The following KIRREL3 variants were observed in gnomAD, a reference collection of about 807,000 sequenced individuals.
The protein encoded by KIRREL3 is kin of IRRE-like protein 3.
A neutral mutation model predicts 89.7 loss-of-function variants in KIRREL3; 36 were observed. That is an observed-to-expected ratio of 0.40 (90% CI 0.31 to 0.53). KIRREL3 has a LOEUF of 0.53. Ranked by LOEUF, KIRREL3 falls within the 20% of genes least tolerant of loss-of-function variation. KIRREL3 has a pLI of 0.49. For missense variants in KIRREL3, 864 were observed against 1,056.6 expected, an observed-to-expected ratio of 0.82 and a Z score of 2.53; for synonymous variants, 445 against 441.4, an observed-to-expected ratio of 1.01 and a Z score of -0.10.
chr11:126,692,963 G>C (rs1253725350), intron 1 of KIRREL3, among the ~76,000 whole-genome samples: 1 of 152,236 alleles, frequency 6.6e-6, no homozygotes, highest in Non-Finnish European at 1.5e-5. Flanking sequence ...CCCATAGCCT[G>C]TGGTGGAAGC....
rs1366461600 is a variant in KIRREL3, at chr11:126,783,642, A to C, written c.55+216813T>G. Among the ~76,000 whole-genome samples, 1 of 152,266 alleles carries C rather than the reference A, an allele frequency of 6.6e-6. No individual in the cohort carries two copies. Among genetic ancestry groups the C allele is most frequent in the Non-Finnish European group, 1.5e-5 (1 of 68,054 alleles). ...AAAGCAAGTCCATACTGATGTAAAT[A>C]GATGACTGAAGGAATAAATACAGAA... On this transcript the variant is annotated intron_variant, in intron 1 of 16. Transcript: ENST00000525144. This position sits in a 1 kb window ranked among gnomAD's most constrained non-coding sequence, Gnocchi z 4.3.
At chr11:126,975,112 A>C (rs1482766072) in intron 1 of KIRREL3, among the ~76,000 whole-genome samples, 1 of 152,040 alleles carries the variant, frequency 6.6e-6, no homozygotes, top group African/African-American at 2.4e-5. Context: ...GCCTGGCCTC[A>C]AAACACTATT....
At position 126,901,213 on chromosome 11, in the gene KIRREL3, C is replaced by CAA. The variant is rs58769659; in HGVS notation, c.55+99240_55+99241dup. On this transcript the variant is annotated intron_variant, in intron 1 of 16. Coordinates refer to ENST00000525144, the MANE Select transcript of KIRREL3 (RefSeq NM_032531.4). ...TGGGTAACAGAGCGAGATTCCGTCT[C>CAA]AAAAAAAAAAAAAAAAAAAGACTCT... 3.7e-3 allele frequency among the ~76,000 whole-genome samples: 314 copies of CAA among 85,822 alleles called. 3 individuals carry two copies. The highest frequency in any genetic ancestry group is 8.4e-3 in the African/African-American group (208 of 24,658). 56.3% of individuals were successfully genotyped at this position (85,822 alleles called of 152,430 possible). A position where few individuals can be genotyped will look rare whatever the true frequency, so the allele number is the denominator to read the frequency against.
In KIRREL3 at chr11:126,435,352, G is replaced by C. The variant is rs549410097; in HGVS notation, c.1553-49C>G. The C allele has an allele frequency of 6.2e-6, 10 of 1,606,342 alleles. No individual in the cohort carries two copies. In the East Asian group the frequency reaches 1.6e-4, roughly 25 times the overall value. On this transcript the variant is annotated intron_variant, in intron 12 of 16. Transcript: ENST00000525144. ...CTACAGCCAGGGCCTGGCTGGCCAGGGTGGGGTGGGACTGGGAATTAGCTG... is the reference window on the plus strand; with the variant it reads ...CTACAGCCAGGGCCTGGCTGGCCAGCGTGGGGTGGGACTGGGAATTAGCTG...
At chr11:126,792,454 G>A (rs1950674929) in intron 1 of KIRREL3, among the ~76,000 whole-genome samples, 1 of 152,210 alleles carries the variant, frequency 6.6e-6, no homozygotes, top group South Asian at 2.1e-4. Context: ...CTGAAACCAA[G>A]CAGTTTAGTG....
rs1940334461 is a variant in KIRREL3 at position 126,564,089 on chromosome 11, C to A, written c.56-1177G>T. ...TCTGGAAGAGGGAATATGACTGCAGCTCTTCCTGGCCCTTGCCAGGGTTTC... is the reference window on the plus strand; with the variant it reads ...TCTGGAAGAGGGAATATGACTGCAGATCTTCCTGGCCCTTGCCAGGGTTTC... On this transcript the variant is annotated intron_variant, in intron 1 of 16. Coordinates refer to ENST00000525144, the MANE Select transcript of KIRREL3 (RefSeq NM_032531.4). This position sits in a 1 kb window ranked among gnomAD's most constrained non-coding sequence, Gnocchi z 7.4. Among the ~76,000 whole-genome samples, 1 of 152,242 alleles carries A rather than the reference C, an allele frequency of 6.6e-6. No homozygotes were observed. The highest frequency in any genetic ancestry group is 2.4e-5 in the African/African-American group (1 of 41,462).
rs537185771 is a variant in KIRREL3 at position 126,605,174 on chromosome 11, G to T, written c.56-42262C>A. 3.5e-4 allele frequency among the ~76,000 whole-genome samples: 53 copies of T among 152,280 alleles called. No homozygotes were observed. Among genetic ancestry groups the T allele is most frequent in the Admixed American group, 1.6e-3 (24 of 15,300 alleles). Reference sequence around the variant, plus strand: ...TTCCCTGCTCTCCCATCTGCAGCAGGTTGGGGCCCCATGGATAACTATATC... The same window carrying T: ...TTCCCTGCTCTCCCATCTGCAGCAGTTTGGGGCCCCATGGATAACTATATC... On this transcript the variant is annotated intron_variant, in intron 1 of 16. Transcript: ENST00000525144. This position sits in a 1 kb window ranked among gnomAD's most constrained non-coding sequence, Gnocchi z 5.7.
intron 1 of KIRREL3, among the ~76,000 whole-genome samples, chr11:126,848,422 A>G (rs776241330): frequency 2.2e-4 from 33 of 152,128 alleles, no homozygotes; most frequent in Non-Finnish European, 4.4e-5. Context: ...CAGTCTCATC[A>G]GTTGTTTGTT....
At chr11:126,907,861 C>G (rs770750075) in intron 1 of KIRREL3, among the ~76,000 whole-genome samples, 14 of 152,134 alleles carry the variant, frequency 9.2e-5, no homozygotes, top group Non-Finnish European at 1.8e-4. Context: ...AGTCCAGGCC[C>G]TTTCCTCCTG....
chr11:126,835,335 T>C (rs1592198178), intron 1 of KIRREL3, among the ~76,000 whole-genome samples: 1 of 152,304 alleles, frequency 6.6e-6, no homozygotes. Flanking sequence ...AATAGGCTGG[T>C]AGAAACTTTA....
Position 126,923,130 on chromosome 11 carries a change from T to TCCTCCTC in KIRREL3, c.55+77324_55+77325insGAGGAGG, listed in dbSNP as rs373421868. On this transcript the variant is annotated intron_variant, in intron 1 of 16. Transcript: ENST00000525144. Reference sequence around the variant, plus strand: ...CTTCTCCTTCTCCTTCTCCTTCTTCTCTTCTTCTTCTTCTTCTTCTTCTTC... The same window carrying TCCTCCTC: ...CTTCTCCTTCTCCTTCTCCTTCTTCTCCTCCTCCTTCTTCTTCTTCTTCTTCTTCTTC... Among the ~76,000 whole-genome samples, 99 of 16,308 alleles carry TCCTCCTC rather than the reference T, an allele frequency of 6.1e-3. 18 individuals carry two copies. Among genetic ancestry groups the TCCTCCTC allele is most frequent in the Admixed American group, 9.9e-3 (16 of 1,614 alleles). 10.7% of individuals were successfully genotyped at this position (16,308 alleles called of 152,430 possible).
intron 1 of KIRREL3, among the ~76,000 whole-genome samples, chr11:126,926,275 G>A (rs1947711829): frequency 6.6e-6 from 1 of 152,246 alleles, no homozygotes; most frequent in Non-Finnish European, 1.5e-5. Context: ...CAGCGATTCA[G>A]TTCCTTCTTC....
rs1035044242 is a variant in KIRREL3 at position 126,620,997 on chromosome 11, A to T, written c.56-58085T>A. Among the ~76,000 whole-genome samples the T allele has an allele frequency of 6.6e-6, 1 of 152,168 alleles. No homozygotes were observed. The highest frequency in any genetic ancestry group is 1.5e-5 in the Non-Finnish European group (1 of 68,036). Reference sequence around the variant, plus strand: ...GACTTCTTAAGAGCAGGGCACAGAGAGACTGGAAAGGGCTTGAGTGTAAGC... The same window carrying T: ...GACTTCTTAAGAGCAGGGCACAGAGTGACTGGAAAGGGCTTGAGTGTAAGC... On this transcript the variant is annotated intron_variant, in intron 1 of 16. Coordinates refer to ENST00000525144, the MANE Select transcript of KIRREL3 (RefSeq NM_032531.4). The surrounding 1 kb of genome is among the most constrained non-coding windows in gnomAD (Gnocchi z 4.8).
rs1940391219 is a variant in KIRREL3 at position 126,564,744 on chromosome 11, T to C, written c.56-1832A>G. 6.6e-6 allele frequency among the ~76,000 whole-genome samples: 1 copy of C among 152,186 alleles called. No homozygotes were observed. Among genetic ancestry groups the C allele is most frequent in the South Asian group, 2.1e-4 (1 of 4,828 alleles). On this transcript the variant is annotated intron_variant, in intron 1 of 16. Transcript: ENST00000525144. The surrounding 1 kb of genome is among the most constrained non-coding windows in gnomAD (Gnocchi z 7.4). ...ACTTACTGTATTTGTGGATTCTTTC[T>C]AACAACCACCTTCAAGAGGCAGGAA...
intron 1 of KIRREL3, among the ~76,000 whole-genome samples, chr11:126,850,322 C>A (rs919893068): frequency 7.2e-5 from 11 of 152,176 alleles, no homozygotes; most frequent in African/African-American, 2.2e-4. Context: ...TCTATGCACA[C>A]CACAGTTGTT....
At chr11:127,002,495 A>T (rs914096962), upstream of KIRREL3, among the ~76,000 whole-genome samples, 1 of 152,240 alleles carries the variant, frequency 6.6e-6, no homozygotes, top group Non-Finnish European at 1.5e-5. Context: ...GAAGAGGCAA[A>T]TCAAAAACAC....
At chr11:126,810,491 G>T (rs890009470) in intron 1 of KIRREL3, among the ~76,000 whole-genome samples, 1 of 152,014 alleles carries the variant, frequency 6.6e-6, no homozygotes, top group Non-Finnish European at 1.5e-5. Context: ...CCAGAATCTC[G>T]GATTTCCACA....
At chr11:126,444,035 A>G (rs1361440884) in intron 10 of KIRREL3, among the ~76,000 whole-genome samples, 2 of 152,044 alleles carry the variant, frequency 1.3e-5, no homozygotes, top group African/African-American at 2.4e-5. Context: ...TGGTGCCACA[A>G]CCTTCTTGGG....
intron 4 of KIRREL3, among the ~76,000 whole-genome samples, chr11:126,514,813 C>CCAACACAACA (rs61108090): frequency 4.0e-3 from 590 of 145,770 alleles, no homozygotes; most frequent in African/African-American, 7.3e-3. Flanking sequence ...CATTGCCTCT[C>CCAACACAACA]CAACACAACA....
Sources: gnomAD v4.1 joint callset for allele counts (sites outside exome capture counted in the v4.1 genomes callset) on GRCh38, gnomAD v4.1.1 for gene constraint, Gnocchi (gnomAD v3.1) non-coding constraint, MANE v1.5 for transcripts, NCBI Gene and HGNC (gene_info 2026-07-23, HGNC 2026-07-21) for gene names.